The following MTUS2 variants were observed in gnomAD, a reference collection of about 807,000 sequenced individuals.
The protein encoded by MTUS2 is microtubule-associated tumor suppressor candidate 2.
A neutral mutation model predicts 114.1 loss-of-function variants in MTUS2; 40 were observed. The ratio of observed to expected loss-of-function variants is 0.35; its 90% confidence interval spans 0.27 to 0.46. MTUS2 has a LOEUF of 0.46. Ranked by LOEUF, MTUS2 falls within the 20% of genes least tolerant of loss-of-function variation. The pLI, the probability that MTUS2 is intolerant of heterozygous loss-of-function variation, is 1.00. For synonymous variants in MTUS2, 688 were observed against 672.0 expected, an observed-to-expected ratio of 1.02 and a Z score of -0.37; for missense variants, 1,679 against 1,705.4, an observed-to-expected ratio of 0.98 and a Z score of 0.27.
chr13:29,320,889 C>G (rs1468717828), intron 6 of MTUS2, among the ~76,000 whole-genome samples: 1 of 152,166 alleles, frequency 6.6e-6, no homozygotes, highest in African/African-American at 2.4e-5. Flanking sequence ...TCAGAAAGAC[C>G]TCATCACTGC....
chr13:29,283,303 G>T lies in MTUS2; in HGVS notation c.2806+1438G>T, dbSNP rs1389296649. 6.6e-5 allele frequency among the ~76,000 whole-genome samples: 10 copies of T among 152,272 alleles called. No homozygotes were observed. The South Asian group carries it at 1.9e-3, about 28-fold the overall frequency. Reference sequence around the variant, plus strand: ...CATTTAATTTTGTTCTTCCTCAGGGGAAGGTAAGCTTCTGGGGGTGGTGAC... The same window carrying T: ...CATTTAATTTTGTTCTTCCTCAGGGTAAGGTAAGCTTCTGGGGGTGGTGAC... On this transcript the variant is annotated intron_variant, in intron 6 of 15. Transcript: ENST00000612955.
intron 5 of MTUS2, among the ~76,000 whole-genome samples, chr13:29,277,263 T>C (rs1037957789): frequency 2.6e-5 from 4 of 152,156 alleles, no homozygotes; most frequent in African/African-American, 4.8e-5. Flanking sequence ...GGTCCTAGGG[T>C]ATAATTATTA....
chr13:29,360,797 C>T (rs1034541532), intron 8 of MTUS2, among the ~76,000 whole-genome samples: 1 of 147,702 alleles, frequency 6.8e-6, no homozygotes, highest in Admixed American at 6.9e-5. Flanking sequence ...GAAGGTGATT[C>T]GTCGTATTTC....
chr13:29,009,862 C>G (rs952497858), intron 2 of MTUS2, among the ~76,000 whole-genome samples: 22 of 151,894 alleles, frequency 1.4e-4, no homozygotes, highest in African/African-American at 5.3e-4. Context: ...AATCTAGGGC[C>G]ACATATTATG....
intron 1 of MTUS2, among the ~76,000 whole-genome samples, chr13:28,831,871 C>T (rs546164034): frequency 7.2e-5 from 11 of 152,228 alleles, no homozygotes; most frequent in African/African-American, 2.2e-4. Flanking sequence ...ATTCTCTTGC[C>T]TCAGCCTCCC....
chr13:29,396,033 A>T (rs930365206), intron 8 of MTUS2, among the ~76,000 whole-genome samples: 6 of 152,230 alleles, frequency 3.9e-5, no homozygotes, highest in African/African-American at 1.4e-4. Context: ...GGACCAAAAA[A>T]CTTGTATTTT....
intron 5 of MTUS2, among the ~76,000 whole-genome samples, chr13:29,244,714 T>C (rs1896847985): frequency 6.6e-6 from 1 of 151,936 alleles, no homozygotes; most frequent in Non-Finnish European, 1.5e-5. Context: ...CCCAGCACTT[T>C]GGGAGGCCGA....
intron 2 of MTUS2, among the ~76,000 whole-genome samples, chr13:28,923,520 T>C (rs917472089): frequency 2.0e-5 from 3 of 152,218 alleles, no homozygotes; most frequent in Non-Finnish European, 4.4e-5. Context: ...ATGCCATTGA[T>C]GCTCCCTCTG....
intron 6 of MTUS2, among the ~76,000 whole-genome samples, chr13:29,315,085 T>C (rs1899931293): frequency 6.6e-6 from 1 of 152,176 alleles, no homozygotes; most frequent in Non-Finnish European, 1.5e-5. Flanking sequence ...AAGCCAGATA[T>C]CACATGTTCT....
chr13:29,093,886 A>G (rs796857184), intron 4 of MTUS2, among the ~76,000 whole-genome samples: 28 of 152,240 alleles, frequency 1.8e-4, no homozygotes, highest in African/African-American at 5.8e-4. Flanking sequence ...GGTTTTTCCA[A>G]TAAGCCCTTA....
At chr13:28,840,842 A>G (rs1645740744) in intron 2 of MTUS2, among the ~76,000 whole-genome samples, 1 of 152,258 alleles carries the variant, frequency 6.6e-6, no homozygotes, top group South Asian at 2.1e-4. Flanking sequence ...GAAACTTACC[A>G]GAAGCACAGT....
At chr13:29,353,772 C>T (rs749615750) in intron 7 of MTUS2, among the ~76,000 whole-genome samples, 1 of 152,110 alleles carries the variant, frequency 6.6e-6, no homozygotes, top group Non-Finnish European at 1.5e-5. Flanking sequence ...TACCTGATGC[C>T]CCATGAATTA....
intron 7 of MTUS2, among the ~76,000 whole-genome samples, chr13:29,337,325 A>C (rs111635200): frequency 0.076 from 11,499 of 152,150 alleles, 1,383 homozygotes; most frequent in African/African-American, 0.25. Context: ...AGACCATGGG[A>C]AAAGCGCAGT....
At chr13:28,930,250 C>A (rs1214350230) in intron 2 of MTUS2, among the ~76,000 whole-genome samples, 2 of 152,160 alleles carry the variant, frequency 1.3e-5, no homozygotes, top group Admixed American at 1.3e-4. Flanking sequence ...ATGTTTTCGC[C>A]ACTAAAATGT....
chr13:29,472,230 C>A (rs533875625), intron 9 of MTUS2, among the ~76,000 whole-genome samples: 2 of 152,240 alleles, frequency 1.3e-5, no homozygotes, highest in East Asian at 1.9e-4. Flanking sequence ...TCACCATGGC[C>A]AGGCTGGTCT....
chr13:29,099,752 T>C (rs1242288997), intron 4 of MTUS2, among the ~76,000 whole-genome samples: 1 of 152,226 alleles, frequency 6.6e-6, no homozygotes, highest in Non-Finnish European at 1.5e-5. Context: ...AGGACAGTTA[T>C]ACAGCACTAC....
chr13:29,021,206 G>A (rs1886276787), intron 2 of MTUS2, among the ~76,000 whole-genome samples: 1 of 152,214 alleles, frequency 6.6e-6, no homozygotes, highest in Non-Finnish European at 1.5e-5. Flanking sequence ...GCTCATGGTT[G>A]TGGTGAGCTA....
chr13:29,070,153 C>T (rs1411080690), intron 4 of MTUS2, among the ~76,000 whole-genome samples: 10 of 152,096 alleles, frequency 6.6e-5, no homozygotes, highest in Admixed American at 6.5e-5. Context: ...CTTTCTATCT[C>T]GGGATGGCTT....
chr13:29,459,785 T>A (rs1184244077), intron 9 of MTUS2, among the ~76,000 whole-genome samples: 1 of 152,218 alleles, frequency 6.6e-6, no homozygotes, highest in East Asian at 1.9e-4. Flanking sequence ...GAATTCAGGC[T>A]TTTTAGCACA....
Sources: gnomAD v4.1 joint callset for allele counts (sites outside exome capture counted in the v4.1 genomes callset) on GRCh38, gnomAD v4.1.1 for gene constraint, MANE v1.5 for transcripts, NCBI Gene and HGNC (gene_info 2026-07-23, HGNC 2026-07-21) for gene names.